The following CHN1 variants were observed in gnomAD, a reference collection of about 807,000 sequenced individuals.
CHN1 encodes chimerin 1, also known as N-chimaerin.
CHN1 carries 37 observed loss-of-function variants against 59.5 expected under a neutral mutation model. The observed-to-expected ratio is 0.62, with a 90% CI of 0.48 to 0.82. CHN1 has a LOEUF of 0.82. CHN1 is among the 40% of genes least tolerant of loss of function. CHN1 has a pLI of 0.00. For synonymous variants in CHN1, 206 were observed against 200.4 expected, an observed-to-expected ratio of 1.03 and a Z score of -0.24; for missense variants, 469 against 571.0, an observed-to-expected ratio of 0.82 and a Z score of 1.82.
chr2:174,906,358 G>A (rs920699096), intron 5 of CHN1, among the ~76,000 whole-genome samples: 5 of 152,078 alleles, frequency 3.3e-5, no homozygotes, highest in African/African-American at 4.8e-5. Context: ...TGTCAGTCAC[G>A]AACATATATA....
At chr2:174,823,017 C>T (rs376833412) in intron 8 of CHN1, among the ~76,000 whole-genome samples, 8 of 152,082 alleles carry the variant, frequency 5.3e-5, no homozygotes, top group Admixed American at 2.6e-4. Flanking sequence ...GAAAGAAGAG[C>T]GACTTGGAAC....
chr2:174,991,560 G>A (rs1320862840), intron 1 of CHN1, among the ~76,000 whole-genome samples: 1 of 152,170 alleles, frequency 6.6e-6, no homozygotes, highest in Non-Finnish European at 1.5e-5. Context: ...GAAAAGATAA[G>A]CTAGCAAAAG....
rs1692025585 is a variant in CHN1, at chr2:175,005,158, C to A, written c.-246G>T. On this transcript the variant is annotated 5_prime_UTR_variant, in exon 1 of 13. Transcript: ENST00000409900. ...GCCCCGCTAGCTCTCCGCGAGCCGG[C>A]ACTTGTCGCTGCCATCAGGCGCGGA... 10 of 1,284,472 alleles carry A rather than the reference C, an allele frequency of 7.8e-6. No homozygotes were observed. Among genetic ancestry groups the A allele is most frequent in the Non-Finnish European group, 9.9e-6 (10 of 1,013,960 alleles). The allele number at this position is 1,284,472 out of a possible 1,614,324, so 79.6% of individuals were successfully genotyped here.
chr2:174,890,700 G>C lies in CHN1; in HGVS notation c.261-12572C>G, dbSNP rs563523234. On this transcript the variant is annotated intron_variant, in intron 5 of 12. Coordinates refer to ENST00000409900, the MANE Select transcript of CHN1 (RefSeq NM_001822.7). ...CAGATAGACAATCAACAAGGAATAG[G>C]AGGACTTAAACAGCATTATACCCCA... Among the ~76,000 whole-genome samples the C allele has an allele frequency of 2.6e-5, 4 of 152,092 alleles. No individual in the cohort carries two copies. In the South Asian group the frequency reaches 8.3e-4, roughly 32 times the overall value.
chr2:174,825,589 T>C (rs1334145894), intron 7 of CHN1, among the ~76,000 whole-genome samples: 2 of 152,172 alleles, frequency 1.3e-5, no homozygotes, highest in Non-Finnish European at 2.9e-5. Flanking sequence ...AAAAAAATAT[T>C]GGTAGAATAT....
At chr2:174,961,878 TCTTAA>T (rs1690421661) in intron 1 of CHN1, among the ~76,000 whole-genome samples, 1 of 152,122 alleles carries the variant, frequency 6.6e-6, no homozygotes, top group Non-Finnish European at 1.5e-5. Flanking sequence ...ACAAAAATAG[TCTTAA>T]CTTTGTAAAA....
At chr2:174,921,298 T>C (rs1023341961) in intron 3 of CHN1, among the ~76,000 whole-genome samples, 10 of 152,168 alleles carry the variant, frequency 6.6e-5, no homozygotes, top group Non-Finnish European at 1.5e-4. Context: ...AACTAATAGA[T>C]ACATTTTTTC....
chr2:174,988,273 C>A (rs1245570457), intron 1 of CHN1, among the ~76,000 whole-genome samples: 2 of 150,372 alleles, frequency 1.3e-5, no homozygotes, highest in Non-Finnish European at 2.9e-5. Context: ...AGGAGAATGG[C>A]GTGAACCCGG....
intron 1 of CHN1, among the ~76,000 whole-genome samples, chr2:174,964,691 G>C (rs1037506029): frequency 6.6e-6 from 1 of 152,052 alleles, no homozygotes; most frequent in Non-Finnish European, 1.5e-5. Flanking sequence ...CTCTTCTGCC[G>C]GTTCTAATTG....
intron 1 of CHN1, among the ~76,000 whole-genome samples, chr2:174,982,041 G>C (rs1012267750): frequency 6.6e-6 from 1 of 152,034 alleles, no homozygotes; most frequent in Non-Finnish European, 1.5e-5. Context: ...GTGAGAACAC[G>C]CGGTGTTTGG....
chr2:174,921,090 G>T, intron 3 of CHN1: 1 of 370,968 alleles, frequency 2.7e-6, no homozygotes, highest in South Asian at 2.0e-5. Flanking sequence ...AATGGGGAGC[G>T]GCTGTAGTTG....
At chr2:174,877,304 ACTT>A (rs1042811149) in intron 6 of CHN1, among the ~76,000 whole-genome samples, 11 of 152,182 alleles carry the variant, frequency 7.2e-5, no homozygotes, top group Non-Finnish European at 1.3e-4. Context: ...TCATTCAATT[ACTT>A]CTTAACAGAT....
chr2:174,922,342 G>C (rs1192200872), intron 3 of CHN1, among the ~76,000 whole-genome samples: 2 of 152,094 alleles, frequency 1.3e-5, no homozygotes, highest in Admixed American at 6.6e-5. Flanking sequence ...ACATGCACAT[G>C]TACACATGAA....
chr2:174,881,728 G>C (rs1459986533), intron 5 of CHN1, among the ~76,000 whole-genome samples: 1 of 152,216 alleles, frequency 6.6e-6, no homozygotes, highest in African/African-American at 2.4e-5. Context: ...TTACTTTACA[G>C]TTAACAAAAG....
At chr2:174,974,505 A>G (rs1476211318) in intron 1 of CHN1, among the ~76,000 whole-genome samples, 4 of 152,174 alleles carry the variant, frequency 2.6e-5, no homozygotes, top group Non-Finnish European at 5.9e-5. Flanking sequence ...GCAAGAGAGA[A>G]TTATTTATCT....
chr2:175,001,314 T>C (rs1412392551), intron 1 of CHN1, among the ~76,000 whole-genome samples: 3 of 152,190 alleles, frequency 2.0e-5, no homozygotes, highest in Non-Finnish European at 4.4e-5. Context: ...AATATGAAAA[T>C]CTTCAATTGA....
chr2:175,004,876 G>C lies in CHN1; in HGVS notation c.19+18C>G, dbSNP rs1692011574. ...ACGCGGCCCACCTGCGGCGGCGCGG[G>C]GAGACGGCTGCACTTACCAAACAGG... is the stretch of plus-strand genomic sequence containing the variant. On this transcript the variant is annotated intron_variant, in intron 1 of 12. Coordinates refer to ENST00000409900, the MANE Select transcript of CHN1 (RefSeq NM_001822.7). The C allele has an allele frequency of 1.4e-6, 2 of 1,403,726 alleles. No homozygotes were observed. Among genetic ancestry groups the C allele is most frequent in the African/African-American group, 1.5e-5 (1 of 67,880 alleles). 87.0% of individuals were successfully genotyped at this position (1,403,726 alleles called of 1,614,324 possible).
intron 1 of CHN1, among the ~76,000 whole-genome samples, chr2:175,003,274 C>CA (rs1203596115): frequency 6.6e-6 from 1 of 152,234 alleles, no homozygotes; most frequent in Non-Finnish European, 1.5e-5. Flanking sequence ...TCTATTTTCC[C>CA]ATAAGTAGAC....
At chr2:174,910,420 T>C (rs1214898778) in intron 5 of CHN1, among the ~76,000 whole-genome samples, 1 of 152,084 alleles carries the variant, frequency 6.6e-6, no homozygotes, top group East Asian at 1.9e-4. Flanking sequence ...AAGAAAACTC[T>C]TGGACAGAGT....
Sources: allele counts gnomAD v4.1 joint callset (sites outside exome capture counted in the v4.1 genomes callset), GRCh38; gene constraint gnomAD v4.1.1; transcripts MANE v1.5; gene names NCBI Gene and HGNC (gene_info 2026-07-23, HGNC 2026-07-21).